Variants in UBAP2 observed in about 807,000 individuals in gnomAD.
The protein encoded by UBAP2 is ubiquitin associated protein 2.
Under a neutral mutation model 139.6 loss-of-function variants are expected in UBAP2, and 75 were observed. The ratio of observed to expected loss-of-function variants is 0.54; its 90% CI spans 0.45 to 0.65. The LOEUF (loss-of-function observed/expected upper bound fraction) is 0.65. UBAP2 is among the 30% of genes least tolerant of loss of function. The pLI is 0.00. For synonymous variants in UBAP2, 526 were observed against 526.2 expected, an observed-to-expected ratio of 1.00 and a Z score of 0.01; for missense variants, 1,368 against 1,369.6, an observed-to-expected ratio of 1.00 and a Z score of 0.02.
intron 23 of UBAP2, 27 bp from the exon 24 acceptor site, chr9:33,924,027 C>T (rs1340278219): frequency 6.2e-7 from 1 of 1,611,994 alleles, no homozygotes; most frequent in Admixed American, 1.7e-5. Flanking sequence ...ACTCCAGCCA[C>T]TGCCCTTCCT....
At chr9:34,002,711 C>T (rs527270074) in intron 2 of UBAP2, among the ~76,000 whole-genome samples, 2 of 151,922 alleles carry the variant, frequency 1.3e-5, no homozygotes, top group East Asian at 1.9e-4. Flanking sequence ...TTCATTGTGT[C>T]GGCTAGGCTG....
In UBAP2 at chr9:33,998,869, A is replaced by G; in HGVS notation, c.100-5T>C. 1 of 1,608,994 alleles carries G rather than the reference A, an allele frequency of 6.2e-7. No individual in the cohort carries two copies. The highest frequency in any genetic ancestry group is 8.5e-7 in the Non-Finnish European group (1 of 1,179,292). The stretch of plus-strand genomic sequence containing the variant: ...ACGCATCTGTTCAGCTGTTGCCTGG[A>G]AAGTACATACAATTGTTAAGGATTT... On this transcript the variant is annotated splice_region_variant and splice_polypyrimidine_tract_variant and intron_variant, in intron 2 of 28. Coordinates refer to ENST00000379238, the MANE Select transcript of UBAP2 (RefSeq NM_001370062.2).
In UBAP2 at chr9:34,016,269, A is replaced by G. The variant is rs1265007503; in HGVS notation, c.99+781T>C. 5.2e-4 allele frequency among the ~76,000 whole-genome samples: 17 copies of G among 32,616 alleles called. 1 individual carries two copies. The highest frequency in any genetic ancestry group is 8.2e-4 in the Non-Finnish European group (13 of 15,866). 21.4% of individuals were successfully genotyped at this position (32,616 alleles called of 152,430 possible). A position where few individuals can be genotyped will look rare whatever the true frequency, so the allele number is the denominator to read the frequency against. On this transcript the variant is annotated intron_variant, in intron 2 of 28. Coordinates refer to ENST00000379238, the MANE Select transcript of UBAP2 (RefSeq NM_001370062.2). ...AAGAGGAGGAGGAGGAAGAGGAGGAAGAGAAGGAGGAAGAGGAGGAGGAGG... is the reference window on the plus strand; with the variant it reads ...AAGAGGAGGAGGAGGAAGAGGAGGAGGAGAAGGAGGAAGAGGAGGAGGAGG...
At chr9:33,996,424 CCTT>C (rs1822206421) in intron 3 of UBAP2, 91 bp from the exon 4 acceptor site, 1 of 843,078 alleles carries the variant, frequency 1.2e-6, no homozygotes. Context: ...ATTACATAAT[CCTT>C]CTACATGAAG....
rs568448852 is a variant in UBAP2 at position 33,930,875 on chromosome 9, G to A, written c.2175+1687C>T. Among the ~76,000 whole-genome samples, 70 of 128,544 alleles carry A rather than the reference G, an allele frequency of 5.4e-4. No individual in the cohort carries two copies. In the South Asian group the frequency reaches 0.017, roughly 32 times the overall value. The allele number at this position is 128,544 out of a possible 152,430, so 84.3% of individuals were successfully genotyped here. On this transcript the variant is annotated intron_variant, in intron 19 of 28. Transcript: ENST00000379238. ...TGCGCCATTGCACTCCAGCCTAGGC[G>A]ACAGAGTGAGACTGCATCTCAAAAA...
chr9:33,974,282 T>TG (rs1289713987), intron 6 of UBAP2, among the ~76,000 whole-genome samples: 11 of 150,580 alleles, frequency 7.3e-5, no homozygotes, highest in Admixed American at 7.3e-4. Context: ...CCGAGGCAGT[T>TG]GGACTGCTTC....
Position 34,008,746 on chromosome 9 carries a change from C to T in UBAP2, c.99+8304G>A, listed in dbSNP as rs576958328. Among the ~76,000 whole-genome samples, 16 of 151,920 alleles carry T rather than the reference C, an allele frequency of 1.1e-4. No individual in the cohort carries two copies. In the South Asian group the frequency reaches 3.1e-3, roughly 30 times the overall value. ...CTTTGGTAGGCTGAGGCAGGCGGAT[C>T]ACAAGGTCAAGAAATCGAGACCATC... On this transcript the variant is annotated intron_variant, in intron 2 of 28. Transcript: ENST00000379238.
At chr9:34,011,540 A>C in intron 2 of UBAP2, 1 of 797,640 alleles carries the variant, frequency 1.3e-6, no homozygotes, top group Non-Finnish European at 1.5e-6. Context: ...ACCCTGAGTC[A>C]AGAAAAAAAT....
At chr9:34,017,913 C>A (rs557277093) in intron 1 of UBAP2, among the ~76,000 whole-genome samples, 1 of 150,022 alleles carries the variant, frequency 6.7e-6, no homozygotes, top group East Asian at 2.0e-4. Context: ...GGCGACAGAG[C>A]GAGACTCCGT....
chr9:34,018,736 G>A (rs1256246840), intron 1 of UBAP2, among the ~76,000 whole-genome samples: 3 of 151,696 alleles, frequency 2.0e-5, no homozygotes, highest in Admixed American at 2.0e-4. Context: ...AGTGGCGGGC[G>A]ACTGTAGTCC....
intron 10 of UBAP2, among the ~76,000 whole-genome samples, chr9:33,956,973 C>G (rs976296539): frequency 6.6e-6 from 1 of 151,758 alleles, no homozygotes; most frequent in Non-Finnish European, 1.5e-5. Context: ...TGCACCTGTC[C>G]CAGCTACATG....
intron 2 of UBAP2, among the ~76,000 whole-genome samples, chr9:34,012,056 A>AT (rs1193638470): frequency 6.6e-6 from 1 of 152,220 alleles, no homozygotes; most frequent in Admixed American, 6.5e-5. Flanking sequence ...AACTTTACAT[A>AT]TTTTTTTCAG....
At chr9:34,042,393 G>T (rs774280015) in intron 1 of UBAP2, among the ~76,000 whole-genome samples, 1 of 150,664 alleles carries the variant, frequency 6.6e-6, no homozygotes, top group African/African-American at 2.4e-5. Flanking sequence ...CTGGAGATTC[G>T]CTTGAACTTG....
chr9:33,960,780 C>CAAAAA (rs375878545), intron 10 of UBAP2, 46 bp downstream of exon 10: 4 of 1,313,876 alleles, frequency 3.0e-6, no homozygotes, highest in Admixed American at 4.7e-5. Context: ...AATTCCATTT[C>CAAAAA]AAAAAAAAAA....
intron 9 of UBAP2, among the ~76,000 whole-genome samples, chr9:33,961,773 A>G (rs114466686): frequency 0.016 from 2,428 of 152,320 alleles, 57 homozygotes; most frequent in African/African-American, 0.055. Flanking sequence ...GAGGAGGAGC[A>G]TGCTTGTGAG....
chr9:34,038,834 T>C (rs1826724796), intron 1 of UBAP2, among the ~76,000 whole-genome samples: 1 of 150,472 alleles, frequency 6.6e-6, no homozygotes, highest in Non-Finnish European at 1.5e-5. Flanking sequence ...GTCTAGGAAG[T>C]GAGGAGCGTC....
rs1267933220 is a variant in UBAP2, at chr9:34,016,382, T to C, written c.99+668A>G. Among the ~76,000 whole-genome samples, 57 of 73,496 alleles carry C rather than the reference T, an allele frequency of 7.8e-4. 1 individual carries two copies. Among genetic ancestry groups the C allele is most frequent in the East Asian group, 2.9e-3 (9 of 3,072 alleles). 48.2% of individuals were successfully genotyped at this position (73,496 alleles called of 152,430 possible). A position where few individuals can be genotyped will look rare whatever the true frequency, so the allele number is the denominator to read the frequency against. ...GCGGCGGCAGCGGCGGTGGTGGTGG[T>C]GGTGGTGGTGGTGGTGGTGGTGGTG... On this transcript the variant is annotated intron_variant, in intron 2 of 28. Transcript: ENST00000379238.
rs202041904 is a variant in UBAP2 at position 33,939,943 on chromosome 9, AAG to A, written c.1929+1704_1929+1705del. On this transcript the variant is annotated intron_variant, in intron 16 of 28. Coordinates refer to ENST00000379238, the MANE Select transcript of UBAP2 (RefSeq NM_001370062.2). ...AAGAAGAGGAGAAGGAAGAAGAAGA[AAG>A]AGGGAAGGAAGGAAGAAGAAGAAAA... Among the ~76,000 whole-genome samples, 283 of 91,406 alleles carry A rather than the reference AAG, an allele frequency of 3.1e-3. 43 individuals carry two copies. The highest frequency in any genetic ancestry group is 4.7e-3 in the Non-Finnish European group (199 of 42,688). 60.0% of individuals were successfully genotyped at this position (91,406 alleles called of 152,430 possible).
At chr9:33,926,890 T>C in intron 21 of UBAP2, 99 bp downstream of exon 21, 1 of 1,263,480 alleles carries the variant, frequency 7.9e-7, no homozygotes, top group South Asian at 1.2e-5. Context: ...GAAGGGCAGC[T>C]CAAGGTGGGC....
Sources: gnomAD v4.1 joint callset for allele counts (sites outside exome capture counted in the v4.1 genomes callset) on GRCh38, gnomAD v4.1.1 for gene constraint, MANE v1.5 for transcripts, NCBI Gene and HGNC (gene_info 2026-07-23, HGNC 2026-07-21) for gene names.